Variants in POU6F2 observed in about 807,000 individuals in gnomAD.
The protein encoded by POU6F2 is POU class 6 homeobox 2, also known as POU domain, class 6, transcription factor 2.
In POU6F2, 31 loss-of-function variants were observed where a neutral mutation model predicts 71.3. The observed-to-expected ratio is 0.43, with a 90% CI of 0.33 to 0.59. The LOEUF is 0.59. POU6F2 is among the 20% of genes least tolerant of loss of function. The pLI is 0.04. For missense variants in POU6F2, 783 were observed against 856.8 expected (o/e 0.91, Z 1.07); for synonymous variants, 347 against 355.7 (o/e 0.98, Z 0.27).
intron 7 of POU6F2, among the ~76,000 whole-genome samples, chr7:39,440,890 A>T (rs55834281): frequency 0.32 from 48,101 of 150,156 alleles, 8,265 homozygotes; most frequent in East Asian, 0.54. Context: ...GTTGTTGATG[A>T]TGATGATGTT....
intron 2 of POU6F2, among the ~76,000 whole-genome samples, chr7:39,203,568 A>AT (rs1793949180): frequency 6.6e-6 from 1 of 152,118 alleles, no homozygotes; most frequent in African/African-American, 2.4e-5. Context: ...GTGGAATTTC[A>AT]TTTTTTCTGC....
intron 6 of POU6F2, among the ~76,000 whole-genome samples, chr7:39,419,359 C>T (rs1435424228): frequency 6.6e-6 from 1 of 151,742 alleles, no homozygotes; most frequent in South Asian, 2.1e-4. Context: ...CTGCCTCAGT[C>T]TCCTGAGTAG....
At chr7:39,322,074 T>C (rs1180243325) in intron 4 of POU6F2, among the ~76,000 whole-genome samples, 1 of 152,190 alleles carries the variant, frequency 6.6e-6, no homozygotes, top group East Asian at 1.9e-4. Flanking sequence ...TGTTTGAAAT[T>C]AGTGTTAAAT....
chr7:39,098,928 C>A (rs563991333), intron 2 of POU6F2, among the ~76,000 whole-genome samples: 2 of 152,286 alleles, frequency 1.3e-5, no homozygotes, highest in East Asian at 1.9e-4. Flanking sequence ...TTGGAAGTAA[C>A]CATGCTTCTC....
chr7:39,082,677 G>C (rs1791147255), intron 1 of POU6F2, among the ~76,000 whole-genome samples: 1 of 151,896 alleles, frequency 6.6e-6, no homozygotes, highest in South Asian at 2.1e-4. Flanking sequence ...TTATAAGTCT[G>C]TACTCACTGG....
chr7:39,064,990 C>T (rs761816775), intron 1 of POU6F2, among the ~76,000 whole-genome samples: 3 of 151,746 alleles, frequency 2.0e-5, no homozygotes, highest in Admixed American at 6.6e-5. Context: ...ATTAACTCAT[C>T]GGTCAACTTT....
intron 5 of POU6F2, among the ~76,000 whole-genome samples, chr7:39,363,712 A>G (rs371655271): frequency 6.6e-6 from 1 of 151,136 alleles, no homozygotes; most frequent in Non-Finnish European, 1.5e-5. Context: ...AAAGTAAATC[A>G]AGTGTTTCAA....
intron 4 of POU6F2, among the ~76,000 whole-genome samples, chr7:39,322,684 A>C (rs143175985): frequency 7.9e-4 from 121 of 152,342 alleles, no homozygotes; most frequent in African/African-American, 2.7e-3. Flanking sequence ...ATAAGTTGTT[A>C]GTTCATAAAC....
At chr7:39,033,580 G>A (rs976221641) in intron 1 of POU6F2, among the ~76,000 whole-genome samples, 3 of 152,122 alleles carry the variant, frequency 2.0e-5, no homozygotes, top group African/African-American at 7.2e-5. Flanking sequence ...ACTTAGCAAA[G>A]ATTTATCGAT....
intron 2 of POU6F2, among the ~76,000 whole-genome samples, chr7:39,199,715 A>G (rs1330000848): frequency 6.6e-6 from 1 of 151,978 alleles, no homozygotes; most frequent in Non-Finnish European, 1.5e-5. Flanking sequence ...ATCTGCAGGC[A>G]CCCTGTGGGT....
chr7:39,095,400 C>T (rs1584539689), intron 2 of POU6F2, among the ~76,000 whole-genome samples: 1 of 152,240 alleles, frequency 6.6e-6, no homozygotes, highest in South Asian at 2.1e-4. Flanking sequence ...AAAATTATGC[C>T]TCGTGTTCTA....
intron 1 of POU6F2, among the ~76,000 whole-genome samples, chr7:38,982,702 G>A (rs927725409): frequency 1.3e-5 from 2 of 151,870 alleles, no homozygotes; most frequent in South Asian, 2.1e-4. Context: ...ATGAACTTGG[G>A]TCTTGAAACT....
At chr7:39,241,454 G>A (rs1425938458) in intron 4 of POU6F2, among the ~76,000 whole-genome samples, 2 of 152,160 alleles carry the variant, frequency 1.3e-5, no homozygotes, top group Non-Finnish European at 2.9e-5. Context: ...GTCACTGTGT[G>A]CTGGTGTGGT....
At chr7:39,136,546 T>A (rs1310072859) in intron 2 of POU6F2, among the ~76,000 whole-genome samples, 2 of 152,170 alleles carry the variant, frequency 1.3e-5, no homozygotes, top group African/African-American at 4.8e-5. Context: ...TGTAAATAAG[T>A]TTAGTACACA....
intron 2 of POU6F2, among the ~76,000 whole-genome samples, chr7:39,187,781 CT>C (rs1793574424): frequency 6.6e-6 from 1 of 152,210 alleles, no homozygotes; most frequent in Non-Finnish European, 1.5e-5. Context: ...GGAGATTACG[CT>C]GTTTCGGAAC....
At chr7:39,369,932 A>G (rs2043584562) in intron 5 of POU6F2, among the ~76,000 whole-genome samples, 1 of 151,684 alleles carries the variant, frequency 6.6e-6, no homozygotes, top group Admixed American at 6.6e-5. Context: ...GGGCTCAAGC[A>G]ATACTCCTGT....
chr7:39,450,783 C>T (rs981835835), intron 7 of POU6F2, among the ~76,000 whole-genome samples: 3 of 152,170 alleles, frequency 2.0e-5, no homozygotes, highest in Non-Finnish European at 2.9e-5. Flanking sequence ...CTATAAAATC[C>T]TTTAGCTTCT....
At chr7:39,054,426 AG>A (rs1395547934) in intron 1 of POU6F2, among the ~76,000 whole-genome samples, 1 of 152,166 alleles carries the variant, frequency 6.6e-6, no homozygotes, top group Non-Finnish European at 1.5e-5. Flanking sequence ...CTCCCATACT[AG>A]GGTGACATTA....
intron 4 of POU6F2, among the ~76,000 whole-genome samples, chr7:39,303,624 G>A (rs1274209554): frequency 6.6e-6 from 1 of 152,140 alleles, no homozygotes; most frequent in African/African-American, 2.4e-5. Flanking sequence ...TGATGCTCTG[G>A]AGGCTAGGCT....
Sources: allele counts gnomAD v4.1 joint callset (sites outside exome capture counted in the v4.1 genomes callset), GRCh38; gene constraint gnomAD v4.1.1; transcripts MANE v1.5; gene names NCBI Gene and HGNC (gene_info 2026-07-23, HGNC 2026-07-21).